CBLN2: variants seen among roughly 807,000 people sequenced by gnomAD.
The protein encoded by CBLN2 is cerebellin 2 precursor, also known as cerebellin-2.
A neutral mutation model predicts 15.0 loss-of-function variants in CBLN2; 7 were observed. The ratio of observed to expected loss-of-function variants is 0.47; its 90% CI spans 0.27 to 0.88. CBLN2 has a LOEUF of 0.88. Ranked by LOEUF, CBLN2 falls within the 40% of genes least tolerant of loss-of-function variation. The pLI is 0.14. For missense variants in CBLN2, 242 were observed against 304.5 expected, an observed-to-expected ratio of 0.79 and a Z score of 1.53; for synonymous variants, 149 against 135.2, an observed-to-expected ratio of 1.10 and a Z score of -0.71.
intron 1 of CBLN2, among the ~76,000 whole-genome samples, chr18:72,566,436 T>C (rs2069295570): frequency 6.6e-6 from 1 of 152,166 alleles, no homozygotes; most frequent in African/African-American, 2.4e-5. Flanking sequence ...AACAGATAAA[T>C]AGATAAGGAA....
At chr18:72,636,684 G>A (rs942215388) in intron 1 of CBLN2, among the ~76,000 whole-genome samples, 58 of 152,196 alleles carry the variant, frequency 3.8e-4, no homozygotes, top group African/African-American at 1.4e-3. Context: ...TTTATATTTA[G>A]ATTGAGAAAC....
rs1393882984 is a variant in CBLN2 at position 72,537,301 on chromosome 18, T to C, written c.*875A>G. 1 of 152,196 alleles carries C rather than the reference T, an allele frequency of 6.6e-6. No homozygotes were observed. Among genetic ancestry groups the C allele is most frequent in the Non-Finnish European group, 1.5e-5 (1 of 68,036 alleles). The allele number at this position is 152,196 out of a possible 1,614,324, so 9.4% of individuals were successfully genotyped here. A position where few individuals can be genotyped will look rare whatever the true frequency, so the allele number is the denominator to read the frequency against. On this transcript the variant is annotated 3_prime_UTR_variant, in exon 5 of 5. Transcript: ENST00000269503. The stretch of plus-strand genomic sequence containing the variant: ...AGTTCTAAAGGTGCATCTTAGAATC[T>C]CTTTGAGAGAATAAGCAGAATTGTC...
At chr18:72,547,110 T>TCACACACA (rs36204454), upstream of CBLN2, among the ~76,000 whole-genome samples, 111 of 148,702 alleles carry the variant, frequency 7.5e-4, no homozygotes, top group Non-Finnish European at 1.1e-3. Flanking sequence ...AAAGAAAGTG[T>TCACACACA]CACACACACA....
At chr18:72,563,008 G>T (rs898382018) in intron 1 of CBLN2, among the ~76,000 whole-genome samples, 3 of 152,190 alleles carry the variant, frequency 2.0e-5, no homozygotes, top group Admixed American at 6.5e-5. Context: ...GTAAAACTTT[G>T]TCTTAATATT....
intron 1 of CBLN2, among the ~76,000 whole-genome samples, chr18:72,600,240 T>C (rs1488163978): frequency 1.3e-5 from 2 of 152,226 alleles, no homozygotes; most frequent in African/African-American, 4.8e-5. Context: ...GGAATCCGTA[T>C]GATTATAAAC....
intron 1 of CBLN2, among the ~76,000 whole-genome samples, chr18:72,601,536 C>A (rs1255123749): frequency 1.3e-5 from 2 of 152,172 alleles, no homozygotes; most frequent in African/African-American, 2.4e-5. Context: ...GTGGAGGCGC[C>A]TGTTAGCCCA....
intron 3 of CBLN2, 29 bp downstream of exon 3, chr18:72,541,775 G>A: frequency 8.7e-6 from 13 of 1,502,588 alleles, no homozygotes; most frequent in Non-Finnish European, 1.2e-5. Flanking sequence ...CCCCGGGCTG[G>A]GGGCGGGGTG....
At position 72,542,021 on chromosome 18, in the gene CBLN2, C is replaced by A. The variant is rs770285410; in HGVS notation, c.140G>T (p.Cys47Phe). 2.5e-6 allele frequency: 4 copies of A among 1,596,036 alleles called. No homozygotes were observed. The South Asian group carries it at 4.5e-5, about 18-fold the overall frequency. ...CGTGTCGTTCTGCGCCCGCACGGGG[C>A]AGCAGGCGGGCAGTAGCAGCAACAG... ...ALLLLLLPAC[C>F]PVRAQNDTEP... Residue 47 changes from cysteine (C) to phenylalanine (F), a missense_variant, in exon 3 of 5, where the codon TGC (cysteine) becomes TTC (phenylalanine). By Grantham distance (205) the Cys-to-Phe change is radical. Around this residue, in one of 4 missense-constraint regions of CBLN2, gnomAD observed 96 missense variants for 83.8 expected, o/e 1.15. Transcript: ENST00000269503.
At chr18:72,561,712 G>A (rs1356529059) in intron 1 of CBLN2, among the ~76,000 whole-genome samples, 1 of 152,082 alleles carries the variant, frequency 6.6e-6, no homozygotes, top group Non-Finnish European at 1.5e-5. Flanking sequence ...CATTTAAAAG[G>A]CAGCCTTCTT....
intron 1 of CBLN2, among the ~76,000 whole-genome samples, chr18:72,588,091 TTA>T (rs2069455147): frequency 6.6e-6 from 1 of 152,224 alleles, no homozygotes; most frequent in Non-Finnish European, 1.5e-5. Context: ...AATGTATGGC[TTA>T]GTCATTTGCT....
At position 72,537,781 on chromosome 18, in the gene CBLN2, C is replaced by A. The variant is rs1261221890; in HGVS notation, c.*395G>T. The A allele has an allele frequency of 7.1e-6, 2 of 281,464 alleles. No individual in the cohort carries two copies. The highest frequency in any genetic ancestry group is 4.0e-5 in the South Asian group (1 of 24,976). The allele number at this position is 281,464 out of a possible 1,614,324, so 17.4% of individuals were successfully genotyped here. Reference sequence around the variant, plus strand: ...TTCTTTGCTGGGCTCCTACTTCAAGCCCTGACTGCAACCTGCAGCCCATCC... The same window carrying A: ...TTCTTTGCTGGGCTCCTACTTCAAGACCTGACTGCAACCTGCAGCCCATCC... On this transcript the variant is annotated 3_prime_UTR_variant, in exon 5 of 5. Transcript: ENST00000269503.
intron 1 of CBLN2, among the ~76,000 whole-genome samples, chr18:72,602,676 G>C (rs1053550921): frequency 1.2e-4 from 18 of 152,064 alleles, no homozygotes; most frequent in African/African-American, 4.3e-4. Context: ...ATCTGGGTGG[G>C]GCTGATTCAT....
At chr18:72,565,785 C>T (rs1360392002) in intron 1 of CBLN2, among the ~76,000 whole-genome samples, 2 of 152,050 alleles carry the variant, frequency 1.3e-5, no homozygotes, top group Non-Finnish European at 2.9e-5. Context: ...CTCAAAGGCA[C>T]AGGTGACAAA....
intron 1 of CBLN2, among the ~76,000 whole-genome samples, chr18:72,617,023 TC>T (rs1456305556): frequency 6.6e-4 from 101 of 152,326 alleles, no homozygotes; most frequent in African/African-American, 2.2e-3. Context: ...AATTGTATAT[TC>T]CTAATTTCTC....
At chr18:72,550,437 T>C (rs957009578) in intron 1 of CBLN2, among the ~76,000 whole-genome samples, 1 of 152,142 alleles carries the variant, frequency 6.6e-6, no homozygotes, top group Admixed American at 6.5e-5. Context: ...CTGATAGCAA[T>C]CAGTGCTGAT....
At chr18:72,605,925 G>A (rs1429060944) in intron 1 of CBLN2, among the ~76,000 whole-genome samples, 1 of 150,916 alleles carries the variant, frequency 6.6e-6, no homozygotes, top group African/African-American at 2.4e-5. Flanking sequence ...GCACCTGTGT[G>A]ACTGTACCCT....
intron 1 of CBLN2, among the ~76,000 whole-genome samples, chr18:72,585,417 C>T (rs915926491): frequency 1.2e-4 from 18 of 152,140 alleles, no homozygotes; most frequent in Admixed American, 4.6e-4. Context: ...GTGGGTAGCT[C>T]GTTTCCACAG....
intron 1 of CBLN2, among the ~76,000 whole-genome samples, chr18:72,576,133 T>C (rs548331148): frequency 2.0e-5 from 3 of 152,224 alleles, no homozygotes; most frequent in Non-Finnish European, 4.4e-5. Context: ...AGTTTGCACA[T>C]TTACAACGGC....
At chr18:72,559,261 T>A (rs2069245417) in intron 1 of CBLN2, among the ~76,000 whole-genome samples, 1 of 152,216 alleles carries the variant, frequency 6.6e-6, no homozygotes. Context: ...GGGCAGCCAC[T>A]GACTTCCCTT....
Sources: gnomAD v4.1 joint callset for allele counts (sites outside exome capture counted in the v4.1 genomes callset) on GRCh38, gnomAD v4.1.1 for gene constraint, gnomAD v4.1.1 regional missense constraint, MANE v1.5 for transcripts, NCBI Gene and HGNC (gene_info 2026-07-23, HGNC 2026-07-21) for gene names.